AGFG1: variants seen among roughly 807,000 people sequenced by gnomAD.
The protein encoded by AGFG1 is arf-GAP domain and FG repeat-containing protein 1.
Under a neutral mutation model 60.6 loss-of-function variants are expected in AGFG1, and 10 were observed. The ratio of observed to expected loss-of-function variants is 0.16; its 90% CI spans 0.10 to 0.28. The LOEUF (loss-of-function observed/expected upper bound fraction) is 0.28. Ranked by LOEUF, AGFG1 falls within the 10% of genes least tolerant of loss-of-function variation. The pLI is 1.00. For missense variants in AGFG1, 537 were observed against 676.5 expected (o/e 0.79, Z 2.29); for synonymous variants, 247 against 242.9 (o/e 1.02, Z -0.16).
intron 1 of AGFG1, among the ~76,000 whole-genome samples, chr2:227,481,661 T>C (rs1244300006): frequency 8.5e-5 from 13 of 152,188 alleles, no homozygotes; most frequent in Non-Finnish European, 1.8e-4. Flanking sequence ...TCTGACGCTC[T>C]GTTTATTTTA....
intron 2 of AGFG1, among the ~76,000 whole-genome samples, chr2:227,500,046 G>A (rs1041739975): frequency 2.6e-5 from 4 of 152,228 alleles, no homozygotes; most frequent in African/African-American, 9.6e-5. Flanking sequence ...GACGGCAGCT[G>A]ACATTCATTT....
At chr2:227,522,975 A>AT (rs964166184) in intron 3 of AGFG1, among the ~76,000 whole-genome samples, 1 of 151,924 alleles carries the variant, frequency 6.6e-6, no homozygotes, top group South Asian at 2.1e-4. Flanking sequence ...ATTATCGTAA[A>AT]TTTTTTTTCC....
intron 1 of AGFG1, among the ~76,000 whole-genome samples, chr2:227,480,646 A>G: frequency 6.6e-6 from 1 of 151,374 alleles, no homozygotes; most frequent in Non-Finnish European, 1.5e-5. Flanking sequence ...TGCTCTGGAA[A>G]TGCTGCTGTC....
chr2:227,558,842 G>A lies in AGFG1; in HGVS notation c.*4347G>A, dbSNP rs1693053765. On this transcript the variant is annotated 3_prime_UTR_variant, in exon 13 of 13. Coordinates refer to ENST00000310078, the MANE Select transcript of AGFG1 (RefSeq NM_004504.5). ...CTGATGTCATTAAATGCAGTTTGATGAAAGAGATAGCCAACCAGTGGCTTT... is the reference window on the plus strand; with the variant it reads ...CTGATGTCATTAAATGCAGTTTGATAAAAGAGATAGCCAACCAGTGGCTTT... The A allele has an allele frequency of 6.6e-6, 1 of 152,180 alleles. No homozygotes were observed. The highest frequency in any genetic ancestry group is 1.5e-5 in the Non-Finnish European group (1 of 68,022). 9.4% of individuals were successfully genotyped at this position (152,180 alleles called of 1,614,324 possible).
At chr2:227,531,252 A>T (rs1340849571) in intron 6 of AGFG1, 42 bp downstream of exon 6, 2 of 1,585,510 alleles carry the variant, frequency 1.3e-6, no homozygotes, top group East Asian at 4.5e-5. Context: ...TTACTTTACA[A>T]AACAAAACTC....
Position 227,531,123 on chromosome 2 carries a change from T to C in AGFG1, c.727T>C (p.Phe243Leu). The C allele has an allele frequency of 6.2e-7, 1 of 1,613,398 alleles. No individual in the cohort carries two copies. The highest frequency in any genetic ancestry group is 8.5e-7 in the Non-Finnish European group (1 of 1,179,552). Reference sequence around the variant, plus strand: ...TTCTGCAAATGCAGATTTTGCAAACTTTGATGCATTTGGACAGTCTAGTGG... The same window carrying C: ...TTCTGCAAATGCAGATTTTGCAAACCTTGATGCATTTGGACAGTCTAGTGG... ...QNSANADFAN[F>L]DAFGQSSGSS... Residue 243 changes from phenylalanine (F) to leucine (L), a missense_variant, in exon 6 of 13, where the codon TTT becomes CTT. Phe to Leu is a conservative substitution (Grantham distance 22, BLOSUM62 0). Transcript: ENST00000310078.
chr2:227,494,405 A>G (rs917532321), intron 2 of AGFG1, among the ~76,000 whole-genome samples: 1 of 152,224 alleles, frequency 6.6e-6, no homozygotes, highest in East Asian at 1.9e-4. Context: ...ATTCAGTCAC[A>G]TAAGTTTTGG....
intron 11 of AGFG1, 146 bp downstream of exon 11, chr2:227,552,263 G>T: frequency 9.6e-7 from 1 of 1,044,588 alleles, no homozygotes; most frequent in South Asian, 2.2e-5. Context: ...AGCCTTTGGT[G>T]ATTTGGACCT....
chr2:227,534,553 G>A (rs1692253912), intron 7 of AGFG1, among the ~76,000 whole-genome samples: 1 of 152,184 alleles, frequency 6.6e-6, no homozygotes. Flanking sequence ...CCGTCTTGGA[G>A]ATGTTAACGT....
chr2:227,536,193 C>T (rs1692308263), intron 8 of AGFG1, among the ~76,000 whole-genome samples: 1 of 149,768 alleles, frequency 6.7e-6, no homozygotes, highest in Admixed American at 6.7e-5. Context: ...GACAGGCCCC[C>T]AAGTGTGATG....
chr2:227,538,829 T>C (rs966490570), intron 10 of AGFG1, among the ~76,000 whole-genome samples: 3 of 152,166 alleles, frequency 2.0e-5, no homozygotes, highest in Non-Finnish European at 2.9e-5. Flanking sequence ...TAATATAAAA[T>C]GTACAACGTA....
intron 1 of AGFG1, among the ~76,000 whole-genome samples, chr2:227,490,240 A>G (rs1362817389): frequency 6.6e-6 from 1 of 152,184 alleles, no homozygotes; most frequent in African/African-American, 2.4e-5. Flanking sequence ...ATCCTATTTA[A>G]TTAGTGTGAA....
At chr2:227,505,520 T>C (rs1292696889) in intron 2 of AGFG1, among the ~76,000 whole-genome samples, 1 of 152,164 alleles carries the variant, frequency 6.6e-6, no homozygotes, top group Non-Finnish European at 1.5e-5. Context: ...TCCATCTTTT[T>C]ACTTTCCAGA....
intron 1 of AGFG1, among the ~76,000 whole-genome samples, chr2:227,482,717 G>A (rs576044174): frequency 7.2e-5 from 11 of 152,322 alleles, no homozygotes; most frequent in African/African-American, 2.4e-4. Flanking sequence ...ATTGTTATTT[G>A]AATTGAACAA....
chr2:227,478,265 CACAT>C (rs1156563046), intron 1 of AGFG1, among the ~76,000 whole-genome samples: 1 of 149,950 alleles, frequency 6.7e-6, no homozygotes, highest in Non-Finnish European at 1.5e-5. Flanking sequence ...CATACATGCA[CACAT>C]ACATATACAT....
At position 227,520,207 on chromosome 2, in the gene AGFG1, T is replaced by C. The variant is rs1001332685; in HGVS notation, c.377+144T>C. Reference sequence around the variant, plus strand: ...AATTCATTATCCCTTGGCTTTTTGTTGGTTTGGTTTCTGAAAACCTTTACT... The same window carrying C: ...AATTCATTATCCCTTGGCTTTTTGTCGGTTTGGTTTCTGAAAACCTTTACT... On this transcript the variant is annotated intron_variant, in intron 3 of 12. Transcript: ENST00000310078. The C allele has an allele frequency of 9.8e-5, 50 of 511,090 alleles. No homozygotes were observed. In the African/African-American group the frequency reaches 1.0e-3, roughly 10 times the overall value. 31.7% of individuals were successfully genotyped at this position (511,090 alleles called of 1,614,324 possible).
At chr2:227,534,772 A>G in intron 7 of AGFG1, 73 bp from the exon 8 acceptor site, 5 of 1,521,306 alleles carry the variant, frequency 3.3e-6, no homozygotes, top group South Asian at 1.2e-5. Context: ...CCTGTGTTTC[A>G]TGGCAAATGT....
At chr2:227,498,351 A>G (rs1012741679) in intron 2 of AGFG1, among the ~76,000 whole-genome samples, 2 of 152,228 alleles carry the variant, frequency 1.3e-5, no homozygotes, top group African/African-American at 2.4e-5. Context: ...ATTCACTAAT[A>G]ATACATTGAA....
intron 1 of AGFG1, among the ~76,000 whole-genome samples, chr2:227,482,858 G>A (rs1020821340): frequency 6.6e-6 from 1 of 152,152 alleles, no homozygotes; most frequent in Non-Finnish European, 1.5e-5. Context: ...CTGGGGATCT[G>A]CAGATGTCTT....
Sources: gnomAD v4.1 joint callset for allele counts (sites outside exome capture counted in the v4.1 genomes callset) on GRCh38, gnomAD v4.1.1 for gene constraint, MANE v1.5 for transcripts, NCBI Gene and HGNC (gene_info 2026-07-23, HGNC 2026-07-21) for gene names.